The following BTBD9 variants were observed in gnomAD, a reference collection of about 807,000 sequenced individuals.
The protein encoded by BTBD9 is BTB/POZ domain-containing protein 9.
Under a neutral mutation model 64.3 loss-of-function variants are expected in BTBD9, and 49 were observed. The observed-to-expected ratio is 0.76, with a 90% CI of 0.61 to 0.97. The LOEUF is 0.97. Ranked by LOEUF, BTBD9 falls within the 50% of genes least tolerant of loss-of-function variation. The probability of loss-of-function intolerance (pLI) is 0.00; values close to 1 mark genes in which losing one functional copy is unlikely to be tolerated. For missense variants in BTBD9, 598 were observed against 762.1 expected (o/e 0.78, Z 2.53); for synonymous variants, 260 against 274.7 (o/e 0.95, Z 0.53).
intron 6 of BTBD9, among the ~76,000 whole-genome samples, chr6:38,564,956 C>T (rs1418080087): frequency 6.6e-6 from 1 of 151,998 alleles, no homozygotes; most frequent in African/African-American, 2.4e-5. Context: ...GATAAAATAG[C>T]AAATGTCACC....
At chr6:38,367,740 T>C (rs1765233825) in intron 6 of BTBD9, among the ~76,000 whole-genome samples, 1 of 142,246 alleles carries the variant, frequency 7.0e-6, no homozygotes, top group African/African-American at 2.7e-5. Flanking sequence ...CTCCTACCTG[T>C]AGATATTTAT....
chr6:38,576,967 C>G (rs1776064980), intron 6 of BTBD9, among the ~76,000 whole-genome samples: 1 of 151,958 alleles, frequency 6.6e-6, no homozygotes, highest in African/African-American at 2.4e-5. Flanking sequence ...AAAAGACAAC[C>G]ATATCGAGGG....
intron 1 of BTBD9, among the ~76,000 whole-genome samples, chr6:38,601,266 T>C (rs1479657972): frequency 6.6e-6 from 1 of 152,232 alleles, no homozygotes; most frequent in Non-Finnish European, 1.5e-5. Context: ...TTATTTAGGA[T>C]ATAATTTAAT....
At chr6:38,316,940 A>G (rs1373486635) in intron 7 of BTBD9, among the ~76,000 whole-genome samples, 1 of 152,100 alleles carries the variant, frequency 6.6e-6, no homozygotes, top group African/African-American at 2.4e-5. Context: ...CTTCATGTTT[A>G]AAGGATATTT....
At chr6:38,245,948 C>A (rs115337749) in intron 9 of BTBD9, among the ~76,000 whole-genome samples, 3 of 152,204 alleles carry the variant, frequency 2.0e-5, no homozygotes, top group Non-Finnish European at 2.9e-5. Context: ...ATTACCCTCA[C>A]AGAATAACGT....
intron 1 of BTBD9, among the ~76,000 whole-genome samples, chr6:38,623,250 T>C (rs1023848700): frequency 7.9e-5 from 12 of 152,224 alleles, no homozygotes; most frequent in South Asian, 2.1e-4. Flanking sequence ...AGTCCCAACA[T>C]TGACATTGCC....
chr6:38,216,969 A>G, intron 9 of BTBD9, among the ~76,000 whole-genome samples: 1 of 151,892 alleles, frequency 6.6e-6, no homozygotes, highest in East Asian at 1.9e-4. Context: ...TGCATTTCTA[A>G]TATGTTCCCA....
At chr6:38,629,249 G>A (rs146704373) in intron 1 of BTBD9, among the ~76,000 whole-genome samples, 117 of 152,180 alleles carry the variant, frequency 7.7e-4, no homozygotes, top group African/African-American at 2.7e-3. Flanking sequence ...AAAACTAGTC[G>A]GTGAAAGTTT....
At chr6:38,219,160 G>C (rs12529640) in intron 9 of BTBD9, among the ~76,000 whole-genome samples, 3,544 of 131,822 alleles carry the variant, frequency 0.027, 134 homozygotes, top group Admixed American at 0.1. Flanking sequence ...TTTTGAGACC[G>C]AGTCTTGCTC....
At chr6:38,295,942 G>A (rs1415845125) in intron 7 of BTBD9, among the ~76,000 whole-genome samples, 1 of 152,152 alleles carries the variant, frequency 6.6e-6, no homozygotes, top group Admixed American at 6.5e-5. Context: ...CCAGCTATTG[G>A]GAGGCTGAGG....
At chr6:38,463,713 T>A (rs1490749268) in intron 6 of BTBD9, among the ~76,000 whole-genome samples, 2 of 152,184 alleles carry the variant, frequency 1.3e-5, no homozygotes, top group African/African-American at 4.8e-5. Context: ...CCTAAGAAAG[T>A]GACTGTATTT....
intron 6 of BTBD9, among the ~76,000 whole-genome samples, chr6:38,531,955 C>T (rs758199411): frequency 5.3e-5 from 8 of 152,300 alleles, no homozygotes; most frequent in Non-Finnish European, 7.3e-5. Context: ...ACTATCTACA[C>T]AGAAAAAGCA....
At chr6:38,224,524 G>A (rs929290126) in intron 9 of BTBD9, among the ~76,000 whole-genome samples, 4 of 152,138 alleles carry the variant, frequency 2.6e-5, no homozygotes, top group African/African-American at 9.7e-5. Flanking sequence ...CTCACACAAA[G>A]GCTTTTTAGA....
At chr6:38,534,892 G>A (rs1295225326) in intron 6 of BTBD9, among the ~76,000 whole-genome samples, 1 of 151,988 alleles carries the variant, frequency 6.6e-6, no homozygotes, top group African/African-American at 2.4e-5. Flanking sequence ...AGCGATATAA[G>A]GCAGACATGC....
intron 1 of BTBD9, among the ~76,000 whole-genome samples, chr6:38,604,944 C>T (rs553599596): frequency 8.3e-4 from 126 of 152,266 alleles, no homozygotes; most frequent in African/African-American, 2.9e-3. Flanking sequence ...GTGCTTTTCC[C>T]GCCTTAGCCT....
At chr6:38,515,391 A>C (rs16890768) in intron 6 of BTBD9, among the ~76,000 whole-genome samples, 10,880 of 152,234 alleles carry the variant, frequency 0.071, 456 homozygotes, top group East Asian at 0.18. Flanking sequence ...GCTGGGTGGT[A>C]AATAAGCGAA....
At chr6:38,619,036 C>T (rs1044535720) in intron 1 of BTBD9, among the ~76,000 whole-genome samples, 2 of 152,248 alleles carry the variant, frequency 1.3e-5, no homozygotes, top group African/African-American at 4.8e-5. Flanking sequence ...TACGAAAAAG[C>T]CCATGAATTA....
intron 6 of BTBD9, among the ~76,000 whole-genome samples, chr6:38,488,137 T>G (rs889326887): frequency 1.3e-5 from 2 of 152,150 alleles, no homozygotes; most frequent in Non-Finnish European, 2.9e-5. Context: ...TTAAATTTTT[T>G]GTAGAGACAG....
chr6:38,214,651 A>C (rs1012419960), intron 9 of BTBD9, among the ~76,000 whole-genome samples: 1 of 152,122 alleles, frequency 6.6e-6, no homozygotes, highest in African/African-American at 2.4e-5. Flanking sequence ...ATTCCCCTCA[A>C]ACCAGCAACC....
Sources: gnomAD v4.1 joint callset for allele counts (sites outside exome capture counted in the v4.1 genomes callset) on GRCh38, gnomAD v4.1.1 for gene constraint, MANE v1.5 for transcripts, NCBI Gene and HGNC (gene_info 2026-07-23, HGNC 2026-07-21) for gene names.